TMEM232: variants seen among roughly 807,000 people sequenced by gnomAD.
TMEM232 encodes the protein transmembrane protein 232.
Under a neutral mutation model 78.8 loss-of-function variants are expected in TMEM232, and 80 were observed. The observed-to-expected ratio is 1.01, with a 90% CI of 0.85 to 1.22. TMEM232 has a LOEUF of 1.22. Ranked by LOEUF, TMEM232 falls within the 50% of genes most tolerant of loss-of-function variation. TMEM232 has a pLI of 0.00. For synonymous variants in TMEM232, 297 were observed against 254.3 expected (o/e 1.17, Z -1.60); for missense variants, 881 against 742.2 (o/e 1.19, Z -2.17).
At chr5:110,721,417 T>G (rs1561568597) in intron 1 of TMEM232, among the ~76,000 whole-genome samples, 2 of 151,648 alleles carry the variant, frequency 1.3e-5, no homozygotes, top group Non-Finnish European at 2.9e-5. Context: ...TGCTTCTGTT[T>G]GTCATAATGT....
intron 11 of TMEM232, among the ~76,000 whole-genome samples, chr5:110,565,466 T>G (rs1461364759): frequency 6.6e-6 from 1 of 151,940 alleles, no homozygotes; most frequent in Non-Finnish European, 1.5e-5. Context: ...TCACTCAGCT[T>G]TCCTGTCTCT....
chr5:110,437,359 T>G (rs889135196), intron 12 of TMEM232, among the ~76,000 whole-genome samples: 6 of 152,020 alleles, frequency 3.9e-5, no homozygotes, highest in African/African-American at 1.4e-4. Flanking sequence ...TAATTTTATT[T>G]ATAAATATTC....
At chr5:110,563,215 G>A (rs1018478022) in intron 11 of TMEM232, among the ~76,000 whole-genome samples, 10 of 151,774 alleles carry the variant, frequency 6.6e-5, no homozygotes, top group East Asian at 1.9e-4. Flanking sequence ...AATTCTCAGC[G>A]CTGACTACTC....
At chr5:110,659,282 CA>C (rs1272969245) in intron 2 of TMEM232, among the ~76,000 whole-genome samples, 6 of 152,012 alleles carry the variant, frequency 3.9e-5, no homozygotes. Flanking sequence ...CAGGAAGCCA[CA>C]TAGAAGGCTA....
intron 11 of TMEM232, among the ~76,000 whole-genome samples, chr5:110,534,693 G>A (rs1772062770): frequency 6.6e-6 from 1 of 152,122 alleles, no homozygotes; most frequent in South Asian, 2.1e-4. Flanking sequence ...ATCTCCTGGT[G>A]CTATCCCCAA....
At chr5:110,462,958 C>G (rs1487503584) in intron 12 of TMEM232, among the ~76,000 whole-genome samples, 1 of 152,066 alleles carries the variant, frequency 6.6e-6, no homozygotes, top group African/African-American at 2.4e-5. Flanking sequence ...GGATTCTACT[C>G]CTGGTAAAGA....
At chr5:110,659,206 G>A (rs1221359007) in intron 2 of TMEM232, among the ~76,000 whole-genome samples, 1 of 152,090 alleles carries the variant, frequency 6.6e-6, no homozygotes, top group East Asian at 1.9e-4. Flanking sequence ...TAATTGTAGT[G>A]TAGTTTCCTT....
intron 12 of TMEM232, among the ~76,000 whole-genome samples, chr5:110,479,002 T>C (rs1763568094): frequency 1.3e-5 from 2 of 150,060 alleles, no homozygotes; most frequent in African/African-American, 4.9e-5. Context: ...TGTTACTGAG[T>C]CTGCGGTTAG....
intron 12 of TMEM232, among the ~76,000 whole-genome samples, chr5:110,473,097 A>G (rs313605): frequency 0.035 from 5,261 of 151,924 alleles, 110 homozygotes; most frequent in African/African-American, 0.067. Context: ...TATCAAACAT[A>G]TCAAACTAAG....
Position 110,446,400 on chromosome 5 carries a change from T to C in TMEM232, c.1704-21484A>G, listed in dbSNP as rs150966983. Reference sequence around the variant, plus strand: ...ATTAAACAAGAAATACTTAGAGATATTGGACCATTTCTGGACCTACTGGAA... The same window carrying C: ...ATTAAACAAGAAATACTTAGAGATACTGGACCATTTCTGGACCTACTGGAA... On this transcript the variant is annotated intron_variant, in intron 12 of 13. Coordinates refer to ENST00000455884, the MANE Select transcript of TMEM232 (RefSeq NM_001039763.4). Among the ~76,000 whole-genome samples, 971 of 152,326 alleles carry C rather than the reference T, an allele frequency of 6.4e-3. 7 individuals are homozygous for C. The highest frequency in any genetic ancestry group is 0.015 in the South Asian group (71 of 4,826).
In TMEM232 at chr5:110,625,416, C is replaced by T. The variant is rs1252195032; in HGVS notation, c.619G>A (p.Ala207Thr). ...ATGTTTGGATACTTGTGATATGATG[C>T]TCCAGAGAAAGAAAGTGCTATTGTA... ...PYLYALSFSGASYHKYPNIFS... is the reference protein window; with the variant it reads ...PYLYALSFSGTSYHKYPNIFS... Residue 207 changes from alanine (A) to threonine (T), a missense_variant, in exon 7 of 14, where the codon GCA becomes ACA. Transcript: ENST00000455884. The T allele has an allele frequency of 1.3e-6, 2 of 1,525,538 alleles. No homozygotes were observed. Among genetic ancestry groups the T allele is most frequent in the Non-Finnish European group, 1.8e-6 (2 of 1,134,500 alleles). The allele number at this position is 1,525,538 out of a possible 1,614,324, so 94.5% of individuals were successfully genotyped here.
At chr5:110,416,577 T>C (rs1756223323), downstream of TMEM232, among the ~76,000 whole-genome samples, 1 of 152,182 alleles carries the variant, frequency 6.6e-6, no homozygotes, top group Non-Finnish European at 1.5e-5. Context: ...TCAGCTAACT[T>C]TGAAATTTGG....
intron 3 of TMEM232, among the ~76,000 whole-genome samples, chr5:110,393,115 T>C (rs13358422): frequency 0.063 from 9,664 of 152,244 alleles, 1,055 homozygotes; most frequent in African/African-American, 0.22. Context: ...GGAATAGACA[T>C]GTACACTTGT....
upstream of TMEM232, among the ~76,000 whole-genome samples, chr5:110,730,935 G>A (rs1382703324): frequency 1.3e-5 from 2 of 152,106 alleles, no homozygotes; most frequent in South Asian, 2.1e-4. Flanking sequence ...TAACCGAAAT[G>A]TCCACAGTCC....
Position 110,524,703 on chromosome 5 carries a change from G to A in TMEM232, c.1703+3885C>T, listed in dbSNP as rs536301171. Among the ~76,000 whole-genome samples, 8 of 152,080 alleles carry A rather than the reference G, an allele frequency of 5.3e-5. No individual in the cohort carries two copies. The South Asian group carries it at 1.7e-3, about 32-fold the overall frequency. ...TGTTCAAGCTCAATGTTTGCTTATT[G>A]TTCTTCTATCTGCTTGTTTTATCCA... is the stretch of plus-strand genomic sequence containing the variant. On this transcript the variant is annotated intron_variant, in intron 12 of 13. Transcript: ENST00000455884.
chr5:110,674,556 A>G (rs58629539), intron 1 of TMEM232, among the ~76,000 whole-genome samples: 14,479 of 152,294 alleles, frequency 0.095, 818 homozygotes, highest in South Asian at 0.2. Flanking sequence ...CCATTTATGT[A>G]AACCATAAAG....
intron 11 of TMEM232, among the ~76,000 whole-genome samples, chr5:110,532,059 T>TG (rs888023848): frequency 6.6e-6 from 1 of 152,076 alleles, no homozygotes; most frequent in Non-Finnish European, 1.5e-5. Context: ...TCCAAACGCC[T>TG]GAACTGCAGC....
In TMEM232 at chr5:110,633,767, G is replaced by A. The variant is rs555212035; in HGVS notation, c.501+4431C>T. Among the ~76,000 whole-genome samples the A allele has an allele frequency of 3.3e-5, 5 of 152,132 alleles. No homozygotes were observed. The South Asian group carries it at 1.0e-3, about 32-fold the overall frequency. ...CTTTATAAATTTCCCAGTCTCAGGT[G>A]TTTCTTTATAGCAGTGTGAAAATGG... On this transcript the variant is annotated intron_variant, in intron 5 of 13. Transcript: ENST00000455884.
intron 3 of TMEM232, among the ~76,000 whole-genome samples, chr5:110,397,017 T>G (rs1755414115): frequency 6.6e-6 from 1 of 152,136 alleles, no homozygotes; most frequent in African/African-American, 2.4e-5. Flanking sequence ...TGGCTGAAAG[T>G]CAGGTCATGA....
Sources: gnomAD v4.1 joint callset for allele counts (sites outside exome capture counted in the v4.1 genomes callset) on GRCh38, gnomAD v4.1.1 for gene constraint, MANE v1.5 for transcripts, NCBI Gene and HGNC (gene_info 2026-07-23, HGNC 2026-07-21) for gene names.